Variants in ARHGAP22 observed in about 807,000 individuals in gnomAD.
ARHGAP22 encodes the protein Rho GTPase activating protein 22.
Under a neutral mutation model 59.1 loss-of-function variants are expected in ARHGAP22, and 48 were observed. The observed-to-expected ratio is 0.81, with a 90% CI of 0.64 to 1.03. The LOEUF (loss-of-function observed/expected upper bound fraction) is 1.03. Ranked by LOEUF, ARHGAP22 falls within the 50% of genes least tolerant of loss-of-function variation. ARHGAP22 has a pLI of 0.00. For synonymous variants in ARHGAP22, 445 were observed against 416.4 expected (o/e 1.07, Z -0.84); for missense variants, 1,015 against 958.7 (o/e 1.06, Z -0.78).
At chr10:48,536,067 A>G (rs2055323163) in intron 3 of ARHGAP22, among the ~76,000 whole-genome samples, 1 of 152,072 alleles carries the variant, frequency 6.6e-6, no homozygotes, top group African/African-American at 2.4e-5. Context: ...GCATAGATAG[A>G]TGTTGGGGTG....
chr10:48,497,131 T>A (rs2051022032), intron 3 of ARHGAP22, among the ~76,000 whole-genome samples: 1 of 152,136 alleles, frequency 6.6e-6, no homozygotes, highest in South Asian at 2.1e-4. Context: ...TAGGTGGTGA[T>A]CATGGGACCT....
chr10:48,590,442 G>A (rs2059683018), intron 1 of ARHGAP22, among the ~76,000 whole-genome samples: 1 of 152,062 alleles, frequency 6.6e-6, no homozygotes, highest in Non-Finnish European at 1.5e-5. Flanking sequence ...GCAAGGAGGT[G>A]CCCTGTAGCA....
intron 3 of ARHGAP22, among the ~76,000 whole-genome samples, chr10:48,481,281 G>A (rs2049293060): frequency 6.6e-6 from 1 of 152,236 alleles, no homozygotes; most frequent in Admixed American, 6.5e-5. Flanking sequence ...GGGGACAGCA[G>A]TGCTGCACAG....
At chr10:48,490,034 A>T (rs1814472) in intron 3 of ARHGAP22, among the ~76,000 whole-genome samples, 143,792 of 152,196 alleles carry the variant, frequency 0.94, 68,489 homozygotes, top group East Asian at 1. Context: ...CGCCCGGCCC[A>T]GAGGCTCTCT....
chr10:48,499,268 A>G (rs2051267422), intron 3 of ARHGAP22, among the ~76,000 whole-genome samples: 1 of 152,240 alleles, frequency 6.6e-6, no homozygotes, highest in Non-Finnish European at 1.5e-5. Flanking sequence ...AGGATGGTAC[A>G]GATGGCGTGA....
rs1212266084 is a variant in ARHGAP22, at chr10:48,446,538, G to A, written c.1950C>T (p.Ile650=). Residue 650 remains isoleucine, a synonymous_variant, in exon 10 of 10, where the codon ATC becomes ATT. Coordinates refer to ENST00000249601, the MANE Select transcript of ARHGAP22 (RefSeq NM_021226.4). ...AGTTCCGCAGCTTTATTTCCAGCAT[G>A]ATGTATTTTTTCTTTTCCTGGTCCA... ...EELDQEKKKY[I]MLEIKLRNSE... The A allele has an allele frequency of 1.2e-6, 2 of 1,614,202 alleles. No homozygotes were observed. The highest frequency in any genetic ancestry group is 2.2e-5 in the South Asian group (2 of 91,076).
At chr10:48,542,478 C>A (rs1180102419) in intron 3 of ARHGAP22, among the ~76,000 whole-genome samples, 1 of 152,176 alleles carries the variant, frequency 6.6e-6, no homozygotes, top group African/African-American at 2.4e-5. Flanking sequence ...TGGGGCCCTT[C>A]TGCAGTCCTG....
chr10:48,539,222 T>C (rs1428774656), intron 3 of ARHGAP22, among the ~76,000 whole-genome samples: 1 of 152,020 alleles, frequency 6.6e-6, no homozygotes, highest in East Asian at 1.9e-4. Flanking sequence ...TCTTGTAGGG[T>C]TTAGTTCATT....
chr10:48,483,314 G>A (rs1422484795), intron 3 of ARHGAP22, among the ~76,000 whole-genome samples: 2 of 152,104 alleles, frequency 1.3e-5, no homozygotes, highest in Non-Finnish European at 2.9e-5. Context: ...ATATCCTACT[G>A]CTCAAGGTCA....
At chr10:48,651,528 C>T (rs768253108) in intron 1 of ARHGAP22, among the ~76,000 whole-genome samples, 10 of 151,848 alleles carry the variant, frequency 6.6e-5, no homozygotes, top group African/African-American at 9.7e-5. Context: ...CAATCATCAC[C>T]TGCATAGTCT....
intron 3 of ARHGAP22, among the ~76,000 whole-genome samples, chr10:48,509,394 G>T (rs2052519613): frequency 6.6e-6 from 1 of 152,242 alleles, no homozygotes; most frequent in Admixed American, 6.5e-5. Context: ...AGGCACAGCG[G>T]AGCTTTGTTC....
At chr10:48,455,700 T>A (rs1041218900) in intron 5 of ARHGAP22, among the ~76,000 whole-genome samples, 3 of 152,204 alleles carry the variant, frequency 2.0e-5, no homozygotes, top group African/African-American at 2.4e-5. Context: ...AGGCCCTCCA[T>A]AGGTGCTGCC....
chr10:48,594,198 G>C (rs540325355), intron 1 of ARHGAP22, among the ~76,000 whole-genome samples: 1 of 152,330 alleles, frequency 6.6e-6, no homozygotes, highest in East Asian at 1.9e-4. Flanking sequence ...TAGTGGGAGA[G>C]ACTAACACCG....
intron 1 of ARHGAP22, among the ~76,000 whole-genome samples, chr10:48,586,098 C>G (rs2059410599): frequency 6.6e-6 from 1 of 152,150 alleles, no homozygotes; most frequent in African/African-American, 2.4e-5. Context: ...GTGCTTCCCT[C>G]CTTTATATCT....
At chr10:48,463,334 C>A (rs1017283015) in intron 4 of ARHGAP22, among the ~76,000 whole-genome samples, 1 of 152,182 alleles carries the variant, frequency 6.6e-6, no homozygotes, top group Non-Finnish European at 1.5e-5. Flanking sequence ...GACACTGGGG[C>A]CAGGATAAGT....
At chr10:48,549,160 A>T (rs923196513) in intron 3 of ARHGAP22, among the ~76,000 whole-genome samples, 2 of 152,174 alleles carry the variant, frequency 1.3e-5, no homozygotes, top group African/African-American at 2.4e-5. Flanking sequence ...CTCAACAAAT[A>T]TGATATTTGT....
At chr10:48,526,084 T>G (rs533931618) in intron 3 of ARHGAP22, among the ~76,000 whole-genome samples, 9 of 152,318 alleles carry the variant, frequency 5.9e-5, no homozygotes, top group African/African-American at 1.7e-4. Flanking sequence ...CTGATGGCCT[T>G]GACTTGACTG....
At chr10:48,541,702 T>C (rs2135123455) in intron 3 of ARHGAP22, among the ~76,000 whole-genome samples, 1 of 152,252 alleles carries the variant, frequency 6.6e-6, no homozygotes, top group East Asian at 1.9e-4. Context: ...GACCATGTTA[T>C]GCACCCAGGA....
intron 1 of ARHGAP22, among the ~76,000 whole-genome samples, chr10:48,591,256 A>T (rs1423839430): frequency 2.0e-5 from 3 of 152,146 alleles, no homozygotes; most frequent in African/African-American, 7.2e-5. Flanking sequence ...AGAGGTCAAA[A>T]CCCTGGGTGT....
Sources: allele counts gnomAD v4.1 joint callset (sites outside exome capture counted in the v4.1 genomes callset), GRCh38; gene constraint gnomAD v4.1.1; transcripts MANE v1.5; gene names NCBI Gene and HGNC (gene_info 2026-07-23, HGNC 2026-07-21).